Variants in MET observed in about 807,000 individuals in gnomAD.
MET encodes MET proto-oncogene, receptor tyrosine kinase.
A neutral mutation model predicts 133.1 loss-of-function variants in MET; 48 were observed. The ratio of observed to expected loss-of-function variants is 0.36; its 90% CI spans 0.29 to 0.46. The LOEUF (loss-of-function observed/expected upper bound fraction) is 0.46. Ranked by LOEUF, MET falls within the 20% of genes least tolerant of loss-of-function variation. The pLI is 1.00. For missense variants in MET, 1,442 were observed against 1,695.9 expected (o/e 0.85, Z 2.63); for synonymous variants, 628 against 616.5 (o/e 1.02, Z -0.28).
chr7:116,683,507 G>T (rs984933304), intron 1 of MET, among the ~76,000 whole-genome samples: 1 of 152,164 alleles, frequency 6.6e-6, no homozygotes, highest in African/African-American at 2.4e-5. Context: ...CATCCTGATA[G>T]GATCTTGAAT....
intron 1 of MET, among the ~76,000 whole-genome samples, chr7:116,676,138 T>A (rs866129732): frequency 6.6e-6 from 1 of 152,248 alleles, no homozygotes; most frequent in Non-Finnish European, 1.5e-5. Context: ...TGTAATCACA[T>A]ACCCAGGTAC....
chr7:116,796,214 C>G lies in MET; in HGVS notation c.*90C>G. 8.0e-7 allele frequency: 1 copy of G among 1,253,270 alleles called. No individual in the cohort carries two copies. Among genetic ancestry groups the G allele is most frequent in the Non-Finnish European group, 1.2e-6 (1 of 861,392 alleles). 77.6% of individuals were successfully genotyped at this position (1,253,270 alleles called of 1,614,324 possible). A position where few individuals can be genotyped will look rare whatever the true frequency, so the allele number is the denominator to read the frequency against. ...TAAAAGGCCATCGATATTCTTTGCT[C>G]TTGCCAAAATTGCACTATTATAGGA... On this transcript the variant is annotated 3_prime_UTR_variant, in exon 21 of 21. Coordinates refer to ENST00000397752, the MANE Select transcript of MET (RefSeq NM_000245.4).
intron 19 of MET, among the ~76,000 whole-genome samples, chr7:116,793,531 T>G (rs759050445): frequency 1.3e-5 from 2 of 152,062 alleles, no homozygotes; most frequent in Non-Finnish European, 2.9e-5. Context: ...CATTTCAATC[T>G]TATGGGTCCC....
At chr7:116,731,619 T>C (rs770827456) in intron 2 of MET, 49 bp from the exon 3 acceptor site, 1 of 1,596,500 alleles carries the variant, frequency 6.3e-7, no homozygotes. Flanking sequence ...TCTTACCAGC[T>C]TGTTCATGTC....
In MET at chr7:116,771,552, C is replaced by G. The variant is rs2116992030; in HGVS notation, c.2785C>G (p.Gln929Glu). 2.5e-6 allele frequency: 4 copies of G among 1,613,904 alleles called. No homozygotes were observed. Among genetic ancestry groups the G allele is most frequent in the Non-Finnish European group, 3.4e-6 (4 of 1,179,814 alleles). Residue 929 changes from glutamine (Q) to glutamate (E), a missense_variant, in exon 13 of 21, where the codon CAG (glutamine) becomes GAG (glutamate). Gln to Glu is a conservative substitution (Grantham distance 29). This residue lies in a region of MET where 514 missense variants were observed against 659.6 expected (regional missense o/e 0.78). Transcript: ENST00000397752. Reference sequence around the variant, plus strand: ...TGGAAAAGTAATAGTTCAACCAGATCAGAATTTCACAGGATTGATTGCTGG... The same window carrying G: ...TGGAAAAGTAATAGTTCAACCAGATGAGAATTTCACAGGATTGATTGCTGG... Reference protein sequence around the residue: ...VLGKVIVQPDQNFTGLIAGVV... With the variant: ...VLGKVIVQPDENFTGLIAGVV...
chr7:116,700,207 A>C lies in MET; in HGVS notation c.1123A>C (p.Asn375His), dbSNP rs1375932394. 6.3e-7 allele frequency: 1 copy of C among 1,594,660 alleles called. No homozygotes were observed. Among genetic ancestry groups the C allele is most frequent in the Non-Finnish European group, 8.5e-7 (1 of 1,174,032 alleles). Residue 375 changes from asparagine to histidine, a missense_variant, in exon 2 of 21, where the codon AAC becomes CAC. Physicochemically the swap from Asn to His is moderately conservative, Grantham distance 68. Around this residue, in one of 6 missense-constraint regions of MET, gnomAD observed 762 missense variants for 792.4 expected, o/e 0.96. Coordinates refer to ENST00000397752, the MANE Select transcript of MET (RefSeq NM_000245.4). ...FPIKYVNDFF[N>H]KIVNKNNVRC... ...TATCAAATATGTCAACGACTTCTTC[A>C]ACAAGATCGTCAACAAAAACAATGT...
Position 116,699,700 on chromosome 7 carries a change from T to C in MET, c.616T>C (p.Phe206Leu). 6.2e-7 allele frequency: 1 copy of C among 1,614,052 alleles called. No homozygotes were observed. The highest frequency in any genetic ancestry group is 8.5e-7 in the Non-Finnish European group (1 of 1,179,970). ...AGGCAATACCATAAATTCTTCTTAT[T>C]TCCCAGATCATCCATTGCATTCGAT... ...FVGNTINSSYFPDHPLHSISV... is the reference protein window; with the variant it reads ...FVGNTINSSYLPDHPLHSISV... Residue 206 changes from phenylalanine (F) to leucine (L), a missense_variant, in exon 2 of 21, where the codon TTC becomes CTC. Phe to Leu is a conservative substitution (Grantham distance 22, BLOSUM62 0). Coordinates refer to ENST00000397752, the MANE Select transcript of MET (RefSeq NM_000245.4).
chr7:116,685,622 G>T (rs993960836), intron 1 of MET, among the ~76,000 whole-genome samples: 11 of 152,022 alleles, frequency 7.2e-5, no homozygotes, highest in Non-Finnish European at 1.3e-4. Flanking sequence ...GGAGGCGGAG[G>T]TTGCAGTTAG....
rs776640090 is a variant in MET, at chr7:116,699,076, C to T, written c.-9C>T. ...CCTTGAACCTGTTTTGGCAGATAAA[C>T]CTCTCATAATGAAGGCCCCCGCTGT... On this transcript the variant is annotated 5_prime_UTR_variant, in exon 2 of 21. Transcript: ENST00000397752. 1.9e-6 allele frequency: 3 copies of T among 1,613,778 alleles called. No individual in the cohort carries two copies. In the South Asian group the frequency reaches 3.3e-5, roughly 18 times the overall value.
chr7:116,732,600 T>G (rs560026608), intron 3 of MET, among the ~76,000 whole-genome samples: 1 of 152,162 alleles, frequency 6.6e-6, no homozygotes, highest in Non-Finnish European at 1.5e-5. Flanking sequence ...GAGGAAAGAA[T>G]GACAATAGCA....
rs117459423 is a variant in MET, at chr7:116,785,872, G to A, written c.3798+2403G>A. Among the ~76,000 whole-genome samples, 1,505 of 152,292 alleles carry A rather than the reference G, an allele frequency of 9.9e-3. 10 individuals are homozygous for A. Among genetic ancestry groups the A allele is most frequent in the Non-Finnish European group, 0.018 (1,201 of 68,016 alleles). The stretch of plus-strand genomic sequence containing the variant: ...TATATGAAGCACAGAAGCAAAAGCT[G>A]GACTCAGAACAAAAATAGCAAGTTG... On this transcript the variant is annotated intron_variant, in intron 19 of 20. Transcript: ENST00000397752.
chr7:116,745,055 TA>T (rs1417509860), intron 5 of MET, among the ~76,000 whole-genome samples: 1 of 152,218 alleles, frequency 6.6e-6, no homozygotes, highest in Non-Finnish European at 1.5e-5. Context: ...AAAGTCTCCT[TA>T]AGCTGATAAG....
At chr7:116,743,064 G>A (rs1339784162) in intron 5 of MET, among the ~76,000 whole-genome samples, 2 of 152,254 alleles carry the variant, frequency 1.3e-5, no homozygotes, top group Non-Finnish European at 2.9e-5. Flanking sequence ...TGGTTAGACA[G>A]TGGGTGCAGC....
chr7:116,702,402 A>G (rs1298941365), intron 2 of MET, among the ~76,000 whole-genome samples: 5 of 152,176 alleles, frequency 3.3e-5, no homozygotes. Context: ...CTCTCTCTCC[A>G]TATACCCCAT....
At chr7:116,759,675 G>A in intron 10 of MET, 185 bp downstream of exon 10, 1 of 707,116 alleles carries the variant, frequency 1.4e-6, no homozygotes, top group Non-Finnish European at 2.5e-6. Flanking sequence ...GGCTAACCAT[G>A]TGGAAAAAAT....
chr7:116,757,386 C>G, intron 6 of MET, 51 bp from the exon 7 acceptor site: 1 of 1,471,356 alleles, frequency 6.8e-7, no homozygotes. Flanking sequence ...ACAACCTAAC[C>G]AGAAAATTCC....
chr7:116,724,132 G>A lies in MET; in HGVS notation c.1201-7536G>A, dbSNP rs575380383. 1.1e-4 allele frequency: 19 copies of A among 174,120 alleles called. No individual in the cohort carries two copies. The South Asian group carries it at 1.2e-3, about 11-fold the overall frequency. The allele number at this position is 174,120 out of a possible 1,614,324, so 10.8% of individuals were successfully genotyped here. On this transcript the variant is annotated intron_variant, in intron 2 of 20. Transcript: ENST00000397752. ...TCAGACTGCTGTGCTAGCAATCAGC[G>A]GGACTCCGTGGGCGTAGGACCCTCC...
intron 1 of MET, among the ~76,000 whole-genome samples, chr7:116,688,672 A>C (rs748415091): frequency 3.3e-5 from 5 of 152,254 alleles, no homozygotes; most frequent in Non-Finnish European, 7.3e-5. Flanking sequence ...GTTTGCTGAC[A>C]GAATATGAAT....
chr7:116,782,508 A>G (rs995087774), intron 18 of MET, among the ~76,000 whole-genome samples: 3 of 152,230 alleles, frequency 2.0e-5, no homozygotes, highest in Non-Finnish European at 2.9e-5. Context: ...AGCCTGCAGA[A>G]GCCCTACCAA....
Sources: gnomAD v4.1 joint callset for allele counts (sites outside exome capture counted in the v4.1 genomes callset) on GRCh38, gnomAD v4.1.1 for gene constraint, gnomAD v4.1.1 regional missense constraint, MANE v1.5 for transcripts, NCBI Gene and HGNC (gene_info 2026-07-23, HGNC 2026-07-21) for gene names.